RAD50: variants seen among roughly 807,000 people sequenced by gnomAD.
The protein encoded by RAD50 is DNA repair protein RAD50.
In RAD50, 132 loss-of-function variants were observed where a neutral mutation model predicts 168.8. The observed-to-expected ratio is 0.78, with a 90% confidence interval of 0.68 to 0.90. The LOEUF (loss-of-function observed/expected upper bound fraction) is 0.90, where lower values mean the gene tolerates loss of function less well. Ranked by LOEUF, RAD50 falls within the 40% of genes least tolerant of loss-of-function variation. The pLI is 0.00. For synonymous variants in RAD50, 525 were observed against 497.4 expected, an observed-to-expected ratio of 1.06 and a Z score of -0.74; for missense variants, 1,347 against 1,534.4, an observed-to-expected ratio of 0.88 and a Z score of 2.04.
rs587780155 is a variant in RAD50, at chr5:132,575,885, AAGAC to A, written c.326_329del (p.Thr109AsnfsTer20). On this transcript the variant is annotated frameshift_variant, in exon 3 of 25. Transcript: ENST00000378823. LOFTEE classifies it high-confidence loss of function. The stretch of plus-strand genomic sequence containing the variant: ...TATGGTGTGTACTCAGAAAAGCAAA[AAGAC>A]AGAATTTAAAACTCTGGAAGGAGTC... 29 of 1,611,166 alleles carry A rather than the reference AAGAC, an allele frequency of 1.8e-5. No individual in the cohort carries two copies. Among genetic ancestry groups the A allele is most frequent in the Non-Finnish European group, 2.4e-5 (28 of 1,177,444 alleles).
In RAD50 at chr5:132,642,998, C is replaced by T. The variant is rs1053898935; in HGVS notation, c.*634C>T. On this transcript the variant is annotated 3_prime_UTR_variant, in exon 25 of 25. Transcript: ENST00000378823. ...CACCACCTTCTTCTCCTACATATCC[C>T]TTCCAGATGGTCATCCAGACTCAGA... is the stretch of plus-strand genomic sequence containing the variant. The T allele has an allele frequency of 3.8e-6, 2 of 528,778 alleles. No individual in the cohort carries two copies. The highest frequency in any genetic ancestry group is 1.9e-5 in the African/African-American group (1 of 52,662). 32.8% of individuals were successfully genotyped at this position (528,778 alleles called of 1,614,324 possible). A position where few individuals can be genotyped will look rare whatever the true frequency, so the allele number is the denominator to read the frequency against.
chr5:132,642,241 T>A lies in RAD50; in HGVS notation c.3816T>A (p.Asp1272Glu). Residue 1272 changes from aspartate (D) to glutamate (E), a missense_variant, in exon 25 of 25, where the codon GAT becomes GAA. Around this residue, in one of 3 missense-constraint regions of RAD50, gnomAD observed 635 missense variants for 739.2 expected, o/e 0.86. Transcript: ENST00000378823. Reference sequence around the variant, plus strand: ...TTCTGGTAATCACTCATGATGAAGATTTTGTGGAGCTTTTAGGACGTTCTG... The same window carrying A: ...TTCTGGTAATCACTCATGATGAAGAATTTGTGGAGCTTTTAGGACGTTCTG... ...FQLLVITHDE[D>E]FVELLGRSEY... The A allele has an allele frequency of 6.2e-7, 1 of 1,614,104 alleles. No homozygotes were observed. The highest frequency in any genetic ancestry group is 8.5e-7 in the Non-Finnish European group (1 of 1,179,984).
chr5:132,594,730 A>G (rs1750758456), intron 11 of RAD50, 139 bp from the exon 12 acceptor site: 3 of 842,756 alleles, frequency 3.6e-6, no homozygotes, highest in Non-Finnish European at 5.6e-6. Context: ...TAGTCCCTCA[A>G]CTTCTGAAAA....
chr5:132,560,388 T>G (rs1750103952), intron 2 of RAD50, among the ~76,000 whole-genome samples: 1 of 152,210 alleles, frequency 6.6e-6, no homozygotes, highest in South Asian at 2.1e-4. Context: ...AACTCTGTAA[T>G]TATGAAAATA....
chr5:132,584,595 G>A (rs900496536), intron 5 of RAD50, among the ~76,000 whole-genome samples: 1 of 152,042 alleles, frequency 6.6e-6, no homozygotes, highest in Admixed American at 6.5e-5. Flanking sequence ...CCATTACTGG[G>A]TATATACCCA....
intron 21 of RAD50, among the ~76,000 whole-genome samples, chr5:132,625,313 C>T (rs1581013223): frequency 1.3e-5 from 2 of 152,126 alleles, no homozygotes. Context: ...GTCTCGATCT[C>T]CTGACCTCGT....
intron 2 of RAD50, among the ~76,000 whole-genome samples, chr5:132,567,861 G>A (rs985018632): frequency 6.6e-6 from 1 of 152,120 alleles, no homozygotes; most frequent in Non-Finnish European, 1.5e-5. Flanking sequence ...TTAACTGGCT[G>A]CTAGAACAAA....
chr5:132,570,580 A>G (rs754920454), intron 2 of RAD50, among the ~76,000 whole-genome samples: 9 of 152,198 alleles, frequency 5.9e-5, no homozygotes, highest in Non-Finnish European at 1.3e-4. Flanking sequence ...CTAGCTTCCA[A>G]CTTTTCTTTG....
chr5:132,642,125 AAAGAAGGGGTTATGC>A lies in RAD50; in HGVS notation c.3753-52_3753-38del, dbSNP rs577353004. 232 of 1,573,396 alleles carry A rather than the reference AAAGAAGGGGTTATGC, an allele frequency of 1.5e-4. No individual in the cohort carries two copies. In the African/African-American group the frequency reaches 3.0e-3, roughly 20 times the overall value. On this transcript the variant is annotated intron_variant, in intron 24 of 24. Coordinates refer to ENST00000378823, the MANE Select transcript of RAD50 (RefSeq NM_005732.4). The stretch of plus-strand genomic sequence containing the variant: ...AAGGTTTGCGGTGACTTTTCAAATC[AAAGAAGGGGTTATGC>A]TCTTTACTAATAATATGTTCTGAAT...
chr5:132,597,351 T>C (rs1023670283), intron 13 of RAD50, among the ~76,000 whole-genome samples: 1 of 152,350 alleles, frequency 6.6e-6, no homozygotes, highest in Non-Finnish European at 1.5e-5. Context: ...GATTGGTCTA[T>C]ATAACTGATA....
chr5:132,632,599 A>G (rs1308633916), intron 21 of RAD50, among the ~76,000 whole-genome samples: 4 of 152,168 alleles, frequency 2.6e-5, no homozygotes, highest in African/African-American at 7.2e-5. Flanking sequence ...TTTAACCACT[A>G]TTGAACATAT....
intron 2 of RAD50, among the ~76,000 whole-genome samples, chr5:132,561,850 C>A (rs1046134744): frequency 2.0e-5 from 3 of 151,736 alleles, no homozygotes; most frequent in African/African-American, 7.3e-5. Context: ...TTCTTACCTA[C>A]CCTTCTAAAA....
At chr5:132,625,799 T>C (rs1373873413) in intron 21 of RAD50, among the ~76,000 whole-genome samples, 1 of 152,244 alleles carries the variant, frequency 6.6e-6, no homozygotes, top group Non-Finnish European at 1.5e-5. Context: ...GTGCCTGGCT[T>C]ATTTCACCTA....
chr5:132,609,269 TTTC>T lies in RAD50; in HGVS notation c.2923-11_2923-9del, dbSNP rs1162198477. ...ATTTTTATTCATGTGCTTAAAGAAT[TTTC>T]TTTTTTGTAGCAAAAAGAAACTGAA... On this transcript the variant is annotated splice_polypyrimidine_tract_variant and intron_variant, in intron 18 of 24. Coordinates refer to ENST00000378823, the MANE Select transcript of RAD50 (RefSeq NM_005732.4). 4.4e-6 allele frequency: 7 copies of T among 1,607,676 alleles called. No individual in the cohort carries two copies. In the East Asian group the frequency reaches 1.1e-4, roughly 26 times the overall value.
At chr5:132,611,705 TAAAAAAAAAAAA>T (rs34112186) in intron 19 of RAD50, among the ~76,000 whole-genome samples, 3 of 102,972 alleles carry the variant, frequency 2.9e-5, no homozygotes, top group South Asian at 6.5e-4. Flanking sequence ...GACTCCGTCT[TAAAAAAAAAAAA>T]AAAAAAAAAA....
At chr5:132,577,065 G>T (rs1750412754) in intron 3 of RAD50, among the ~76,000 whole-genome samples, 2 of 152,200 alleles carry the variant, frequency 1.3e-5, no homozygotes, top group African/African-American at 4.8e-5. Flanking sequence ...TAGTTTAGAA[G>T]TCTGAATTGG....
chr5:132,632,306 A>G (rs533179256), intron 21 of RAD50, among the ~76,000 whole-genome samples: 4 of 152,230 alleles, frequency 2.6e-5, no homozygotes, highest in Admixed American at 6.5e-5. Context: ...CACAGAACAC[A>G]CTTCAAGGTA....
chr5:132,559,473 C>T, intron 2 of RAD50, 106 bp downstream of exon 2: 1 of 1,229,818 alleles, frequency 8.1e-7, no homozygotes, highest in Non-Finnish European at 1.1e-6. Context: ...GAAAGTCAGC[C>T]CCACACAGTT....
intron 11 of RAD50, chr5:132,592,982 C>T (rs1750731235): frequency 2.4e-6 from 1 of 423,812 alleles, no homozygotes; most frequent in East Asian, 7.3e-5. Context: ...ATGGTGTTGG[C>T]TATTGTTTCT....
Sources: allele counts gnomAD v4.1 joint callset (sites outside exome capture counted in the v4.1 genomes callset), GRCh38; gene constraint gnomAD v4.1.1; regional missense constraint gnomAD v4.1.1; transcripts MANE v1.5; gene names NCBI Gene and HGNC (gene_info 2026-07-23, HGNC 2026-07-21).